The following CENPF variants were observed in gnomAD, a reference collection of about 807,000 sequenced individuals.
The protein encoded by CENPF is centromere protein F.
In CENPF, 214 loss-of-function variants were observed where a neutral mutation model predicts 307.3. The observed-to-expected ratio is 0.70, with a 90% CI of 0.62 to 0.78. CENPF has a LOEUF of 0.78. Among genes scored for constraint, CENPF ranks in the 30% least tolerant of loss-of-function variants. The pLI is 0.00. For missense variants in CENPF, 3,401 were observed against 3,483.9 expected (o/e 0.98, Z 0.60); for synonymous variants, 1,259 against 1,270.6 (o/e 0.99, Z 0.19).
intron 7 of CENPF, among the ~76,000 whole-genome samples, chr1:214,623,592 C>T (rs1326069687): frequency 6.6e-6 from 1 of 152,088 alleles, no homozygotes; most frequent in Non-Finnish European, 1.5e-5. Flanking sequence ...CCCAGCCTAC[C>T]TCTCTAGCCA....
Position 214,645,354 on chromosome 1 carries a change from TCAAA to T in CENPF, c.5787_5790del (p.Thr1930ArgfsTer5). 1 of 1,613,990 alleles carries T rather than the reference TCAAA, an allele frequency of 6.2e-7. No homozygotes were observed. Among genetic ancestry groups the T allele is most frequent in the Non-Finnish European group, 8.5e-7 (1 of 1,179,992 alleles). On this transcript the variant is annotated frameshift_variant, in exon 13 of 20. Transcript: ENST00000366955. LOFTEE classifies it high-confidence loss of function. ...ACCTGGAGGCTGACTTAGAGGTAGT[TCAAA>T]CAGAGAAGCTATGTTTAGAAAAAGA...
At chr1:214,648,558 G>A in intron 13 of CENPF, 117 bp from the exon 14 acceptor site, 2 of 1,150,330 alleles carry the variant, frequency 1.7e-6, no homozygotes, top group Non-Finnish European at 2.6e-6. Flanking sequence ...GGATTAGCCA[G>A]CTTCCATTTT....
At chr1:214,613,324 TG>T in intron 1 of CENPF, 2 of 254,414 alleles carry the variant, frequency 7.9e-6, no homozygotes, top group East Asian at 1.1e-4. Context: ...TACCTTTTTC[TG>T]GCCTTCTTCG....
intron 10 of CENPF, among the ~76,000 whole-genome samples, chr1:214,637,251 G>A (rs1315527795): frequency 1.3e-5 from 2 of 152,188 alleles, no homozygotes; most frequent in African/African-American, 4.8e-5. Context: ...TAAATGATTA[G>A]TATCACATCT....
At chr1:214,616,934 ACCCTCCCT>A (rs199963832) in intron 3 of CENPF, among the ~76,000 whole-genome samples, 4,925 of 43,734 alleles carry the variant, frequency 0.11, 604 homozygotes, top group African/African-American at 0.33. Context: ...CTTTCTTTCC[ACCCTCCCT>A]CCCTCCCTTC....
At chr1:214,618,244 G>T (rs1657411975) in intron 3 of CENPF, among the ~76,000 whole-genome samples, 1 of 152,186 alleles carries the variant, frequency 6.6e-6, no homozygotes, top group South Asian at 2.1e-4. Context: ...TACAATTCAA[G>T]ATGAGATTTG....
In CENPF at chr1:214,629,170, A is replaced by G. The variant is rs1657738466; in HGVS notation, c.1193A>G (p.Glu398Gly). 1.2e-6 allele frequency: 2 copies of G among 1,605,102 alleles called. No individual in the cohort carries two copies. Among genetic ancestry groups the G allele is most frequent in the Admixed American group, 1.7e-5 (1 of 57,828 alleles). The change falls in exon 8 of 20, where the codon GAG (glutamate) becomes GGG (glycine). Residue 398 changes from glutamate to glycine, a missense_variant and splice_region_variant. Transcript: ENST00000366955. ...KIKEKEKEFQ[E>G]ELSRQQRSFQ... ...AAGGAAAAAGAAAAGGAGTTTCAAGAGGTAAGGTAAATGGATTCATGAGGT... is the reference window on the plus strand; with the variant it reads ...AAGGAAAAAGAAAAGGAGTTTCAAGGGGTAAGGTAAATGGATTCATGAGGT...
chr1:214,627,114 G>C lies in CENPF; in HGVS notation c.1069-1932G>C, dbSNP rs529163958. Reference sequence around the variant, plus strand: ...GACAGGGTCTCACTCTGTCATCCAGGCTGGAGTGCAGTGAAGTGATCCTGG... The same window carrying C: ...GACAGGGTCTCACTCTGTCATCCAGCCTGGAGTGCAGTGAAGTGATCCTGG... On this transcript the variant is annotated intron_variant, in intron 7 of 19. Transcript: ENST00000366955. Among the ~76,000 whole-genome samples, 12 of 152,040 alleles carry C rather than the reference G, an allele frequency of 7.9e-5. No individual in the cohort carries two copies. The East Asian group carries it at 1.9e-3, about 25-fold the overall frequency.
Position 214,656,973 on chromosome 1 carries a change from G to A in CENPF, c.8526G>A (p.Glu2842=). 3 of 1,612,564 alleles carry A rather than the reference G, an allele frequency of 1.9e-6. No individual in the cohort carries two copies. The highest frequency in any genetic ancestry group is 2.5e-6 in the Non-Finnish European group (3 of 1,179,666). ...MDTKVDELTT[E]IKELKETLEE... is the part of the protein sequence containing the mutation. Reference sequence around the variant, plus strand: ...CCAAGGTCGATGAATTAACAACTGAGATCAAAGAACTGAAAGAAACTCTTG... The same window carrying A: ...CCAAGGTCGATGAATTAACAACTGAAATCAAAGAACTGAAAGAAACTCTTG... The change falls in exon 18 of 20, where the codon GAG becomes GAA. Residue 2842 remains glutamate (E), a synonymous_variant. Transcript: ENST00000366955.
chr1:214,607,970 C>T (rs1401225118), intron 1 of CENPF, among the ~76,000 whole-genome samples: 2 of 152,206 alleles, frequency 1.3e-5, no homozygotes, highest in Admixed American at 1.3e-4. Flanking sequence ...GGGGCCCCAG[C>T]CACACGTGCA....
chr1:214,657,038 A>T lies in CENPF; in HGVS notation c.8591A>T (p.Tyr2864Phe), dbSNP rs1459001883. The T allele has an allele frequency of 3.1e-6, 5 of 1,613,996 alleles. No homozygotes were observed. The highest frequency in any genetic ancestry group is 2.5e-6 in the Non-Finnish European group (3 of 1,180,000). ...GAGGCAGATGAATACTTGGATAAGT[A>T]CTGTTCCTTGCTTATAAGCCATGAA... ...TKEADEYLDK[Y>F]CSLLISHEKL... Residue 2864 changes from tyrosine (Y) to phenylalanine (F), a missense_variant, in exon 18 of 20, where the codon TAC (tyrosine) becomes TTC (phenylalanine). Transcript: ENST00000366955.
intron 2 of CENPF, among the ~76,000 whole-genome samples, chr1:214,614,153 T>G (rs1326473362): frequency 6.6e-6 from 1 of 151,040 alleles, no homozygotes; most frequent in African/African-American, 2.4e-5. Flanking sequence ...CTTTTAATTT[T>G]CCCCATTTCT....
rs374691880 is a variant in CENPF, at chr1:214,645,599, A to T, written c.6029A>T (p.Lys2010Met). ...ATTCAGGTGGCAGAGGCAGAGGTGA[A>T]GGAAAAGACGGAACTCCTTCAGACT... ...HCIQVAEAEV[K>M]EKTELLQTLS... The change falls in exon 13 of 20, where the codon AAG becomes ATG. Residue 2010 changes from lysine to methionine, a missense_variant. By Grantham distance (95) the Lys-to-Met change is moderately conservative (BLOSUM62 -1). Coordinates refer to ENST00000366955, the MANE Select transcript of CENPF (RefSeq NM_016343.4). The T allele has an allele frequency of 6.2e-7, 1 of 1,614,044 alleles. No individual in the cohort carries two copies. The highest frequency in any genetic ancestry group is 8.5e-7 in the Non-Finnish European group (1 of 1,180,024).
Position 214,659,041 on chromosome 1 carries a change from C to A in CENPF, c.9141+13C>A. The A allele has an allele frequency of 6.2e-7, 1 of 1,613,474 alleles. No homozygotes were observed. Among genetic ancestry groups the A allele is most frequent in the South Asian group, 1.1e-5 (1 of 91,004 alleles). ...CAGATCACAAAAGGTAAACTACTGT[C>A]AACATCCGTCTACTGTTTGAGATCC... On this transcript the variant is annotated intron_variant, in intron 19 of 19. Coordinates refer to ENST00000366955, the MANE Select transcript of CENPF (RefSeq NM_016343.4). This position sits in a 1 kb window ranked among gnomAD's most constrained non-coding sequence, Gnocchi z 4.4.
intron 3 of CENPF, among the ~76,000 whole-genome samples, chr1:214,618,193 C>G (rs757805745): frequency 6.6e-6 from 1 of 152,134 alleles, no homozygotes; most frequent in Non-Finnish European, 1.5e-5. Flanking sequence ...CACCTCTCAC[C>G]GGGTCCCCAC....
intron 7 of CENPF, among the ~76,000 whole-genome samples, chr1:214,625,086 C>T (rs955960537): frequency 6.6e-6 from 1 of 152,126 alleles, no homozygotes; most frequent in Non-Finnish European, 1.5e-5. Flanking sequence ...AATATAGCCA[C>T]TCCAGCTTTC....
In CENPF at chr1:214,641,404, A is replaced by G. The variant is rs757915333; in HGVS notation, c.3066A>G (p.Lys1022=). 13 of 1,577,452 alleles carry G rather than the reference A, an allele frequency of 8.2e-6. No homozygotes were observed. The highest frequency in any genetic ancestry group is 1.7e-4 in the Middle Eastern group (1 of 5,876). The change falls in exon 12 of 20, where the codon AAA becomes AAG. Residue 1022 remains lysine (K), a synonymous_variant. Transcript: ENST00000366955. ...SELSDQYKQE[K]LILLQRCEET... The stretch of plus-strand genomic sequence containing the variant: ...TATCTGATCAGTACAAGCAAGAAAA[A>G]CTTATTTTACTACAAAGATGTGAAG...
rs764864654 is a variant in CENPF, at chr1:214,640,931, GA to G, written c.2597del (p.Asn866IlefsTer3). On this transcript the variant is annotated frameshift_variant, in exon 12 of 20. Coordinates refer to ENST00000366955, the MANE Select transcript of CENPF (RefSeq NM_016343.4). LOFTEE classifies it high-confidence loss of function. ...GGTGCAAATCAAAGGAGAAATAGAA[GA>G]AAATCTCATGAAAGCAGAACAGATG... ...ELVQIKGEIE[E>X]NLMKAEQMHQ... 6.2e-7 allele frequency: 1 copy of G among 1,608,820 alleles called. No individual in the cohort carries two copies. The highest frequency in any genetic ancestry group is 8.5e-7 in the Non-Finnish European group (1 of 1,178,834).
intron 1 of CENPF, among the ~76,000 whole-genome samples, chr1:214,604,206 T>C (rs1330469562): frequency 6.6e-6 from 1 of 152,144 alleles, no homozygotes; most frequent in African/African-American, 2.4e-5. Context: ...AAGAGCTTCC[T>C]TGGGGACTAA....
Sources: allele counts gnomAD v4.1 joint callset (sites outside exome capture counted in the v4.1 genomes callset), GRCh38; gene constraint gnomAD v4.1.1; non-coding constraint Gnocchi (gnomAD v3.1); transcripts MANE v1.5; gene names NCBI Gene and HGNC (gene_info 2026-07-23, HGNC 2026-07-21).